FNDC1: variants seen among roughly 807,000 people sequenced by gnomAD.
The protein encoded by FNDC1 is fibronectin type III domain-containing protein 1.
Under a neutral mutation model 168.0 loss-of-function variants are expected in FNDC1, and 96 were observed. The observed-to-expected ratio is 0.57, with a 90% confidence interval of 0.48 to 0.68. FNDC1 has a LOEUF of 0.68. Among genes scored for constraint, FNDC1 ranks in the 30% least tolerant of loss-of-function variants. The pLI is 0.00. For missense variants in FNDC1, 2,587 were observed against 2,482.1 expected (o/e 1.04, Z -0.90); for synonymous variants, 1,099 against 1,025.9 (o/e 1.07, Z -1.36).
chr6:159,192,383 T>C (rs776410257), intron 1 of FNDC1, among the ~76,000 whole-genome samples: 2 of 152,234 alleles, frequency 1.3e-5, no homozygotes, highest in African/African-American at 2.4e-5. Context: ...TGATTTCTTA[T>C]GAATTGTGTC....
In FNDC1 at chr6:159,200,028, G is replaced by C; in HGVS notation, c.337G>C (p.Ala113Pro). Residue 113 changes from alanine (A) to proline (P), a missense_variant, in exon 3 of 23, where the codon GCA (alanine) becomes CCA (proline). Ala to Pro is a conservative substitution (Grantham distance 27). Coordinates refer to ENST00000297267, the MANE Select transcript of FNDC1 (RefSeq NM_032532.3). ...PGVVYFVLLT[A>P]ENHSGVSRPV... ...GGTAGTGTACTTTGTGCTGCTTACT[G>C]CAGAAAACCACAGTGGAGTGAGCCG... 1 of 1,606,598 alleles carries C rather than the reference G, an allele frequency of 6.2e-7. No homozygotes were observed. The highest frequency in any genetic ancestry group is 8.5e-7 in the Non-Finnish European group (1 of 1,176,442).
At chr6:159,214,903 T>A in intron 4 of FNDC1, 42 bp from the exon 5 acceptor site, 1 of 1,585,314 alleles carries the variant, frequency 6.3e-7, no homozygotes, top group Non-Finnish European at 8.6e-7. Flanking sequence ...AAACTCTAAG[T>A]GGTCTACTGT....
chr6:159,267,534 AG>A (rs1161906470), intron 21 of FNDC1, among the ~76,000 whole-genome samples: 2 of 152,192 alleles, frequency 1.3e-5, no homozygotes, highest in African/African-American at 4.8e-5. Context: ...GGAATAGAAA[AG>A]TCTACTCGAA....
chr6:159,226,556 C>T lies in FNDC1; in HGVS notation c.1156C>T (p.Pro386Ser), dbSNP rs201446792. The change falls in exon 9 of 23, where the codon CCA becomes TCA. Residue 386 changes from proline (P) to serine (S), a missense_variant. Transcript: ENST00000297267. ...TGTCGCTGCATCTTGGGATGCGCTA[C>T]CAGAGACTGAGGGGAAAGTGAAAGG... ...TVVAASWDAL[P>S]ETEGKVKEYI... The T allele has an allele frequency of 1.2e-6, 2 of 1,607,436 alleles. No homozygotes were observed. Among genetic ancestry groups the T allele is most frequent in the Admixed American group, 3.4e-5 (2 of 59,312 alleles).
intron 4 of FNDC1, among the ~76,000 whole-genome samples, chr6:159,209,411 T>C (rs1186093622): frequency 6.6e-6 from 1 of 152,016 alleles, no homozygotes; most frequent in East Asian, 1.9e-4. Context: ...GCTTAAAGAG[T>C]TTACTTTGCA....
chr6:159,189,597 G>A (rs780507504), intron 1 of FNDC1, among the ~76,000 whole-genome samples: 3 of 152,270 alleles, frequency 2.0e-5, no homozygotes, highest in East Asian at 3.9e-4. Flanking sequence ...AAACGGCACC[G>A]ATTTCAGTGA....
rs1454331808 is a variant in FNDC1 at position 159,223,389 on chromosome 6, T to C, written c.767-139T>C. On this transcript the variant is annotated intron_variant, in intron 6 of 22. Coordinates refer to ENST00000297267, the MANE Select transcript of FNDC1 (RefSeq NM_032532.3). The stretch of plus-strand genomic sequence containing the variant: ...AATCCAATAATTGTTTACCTTTCTA[T>C]CAATTTCATTTTGTCTACATTACAC... The C allele has an allele frequency of 1.5e-5, 8 of 540,144 alleles. No homozygotes were observed. In the East Asian group the frequency reaches 2.5e-4, roughly 17 times the overall value. The allele number at this position is 540,144 out of a possible 1,614,324, so 33.5% of individuals were successfully genotyped here. A position where few individuals can be genotyped will look rare whatever the true frequency, so the allele number is the denominator to read the frequency against.
chr6:159,264,819 T>G (rs779906909), intron 19 of FNDC1, among the ~76,000 whole-genome samples, 156 bp from the exon 20 acceptor site: 23 of 152,206 alleles, frequency 1.5e-4, no homozygotes, highest in Non-Finnish European at 2.8e-4. Flanking sequence ...AAGGAAATGT[T>G]TAGAAAATAA....
intron 19 of FNDC1, among the ~76,000 whole-genome samples, chr6:159,263,903 C>G (rs997927184): frequency 3.9e-5 from 6 of 152,274 alleles, no homozygotes; most frequent in African/African-American, 1.4e-4. Context: ...TGCAGTGAGC[C>G]GAGATTGTGC....
chr6:159,232,221 G>C lies in FNDC1; in HGVS notation c.1709G>C (p.Ser570Thr). ...QDQKRTLRPP[S>T]RHGHSVVAPG... Reference sequence around the variant, plus strand: ...CAGAAACGGACCCTGAGGCCGCCAAGTAGACACGGCCACTCGGTGGTTGCT... The same window carrying C: ...CAGAAACGGACCCTGAGGCCGCCAACTAGACACGGCCACTCGGTGGTTGCT... Residue 570 changes from serine to threonine, a missense_variant, in exon 11 of 23, where the codon AGT becomes ACT. Coordinates refer to ENST00000297267, the MANE Select transcript of FNDC1 (RefSeq NM_032532.3). This position sits in a 1 kb window ranked among gnomAD's most constrained non-coding sequence, Gnocchi z 4.9. 6.2e-7 allele frequency: 1 copy of C among 1,613,094 alleles called. No individual in the cohort carries two copies. Among genetic ancestry groups the C allele is most frequent in the Non-Finnish European group, 8.5e-7 (1 of 1,179,522 alleles).
At chr6:159,184,592 C>T (rs959122145) in intron 1 of FNDC1, among the ~76,000 whole-genome samples, 12 of 152,186 alleles carry the variant, frequency 7.9e-5, no homozygotes, top group Non-Finnish European at 1.8e-4. Flanking sequence ...TCTCCAGAAC[C>T]TTTGCTTGGC....
At chr6:159,206,760 T>C (rs78741442) in intron 4 of FNDC1, among the ~76,000 whole-genome samples, 2,476 of 152,214 alleles carry the variant, frequency 0.016, 66 homozygotes, top group African/African-American at 0.057. Flanking sequence ...AAAAAAGATG[T>C]GTGCATCTGT....
At position 159,177,877 on chromosome 6, in the gene FNDC1, C is replaced by T. The variant is rs145554462; in HGVS notation, c.109+8172C>T. On this transcript the variant is annotated intron_variant, in intron 1 of 22. Transcript: ENST00000297267. ...GCCAATTCTGGTGTGCCCATTCCCC[C>T]GCAGACATAAAGGTCGGTGGTTTGG... is the stretch of plus-strand genomic sequence containing the variant. Among the ~76,000 whole-genome samples the T allele has an allele frequency of 3.0e-3, 458 of 152,202 alleles. 3 individuals are homozygous for T. The highest frequency in any genetic ancestry group is 0.011 in the African/African-American group (437 of 41,524).
chr6:159,235,747 T>G (rs1438022298), intron 11 of FNDC1, among the ~76,000 whole-genome samples: 1 of 152,218 alleles, frequency 6.6e-6, no homozygotes, highest in Non-Finnish European at 1.5e-5. Flanking sequence ...GACAGCATTG[T>G]GCTTTTATAC....
chr6:159,249,212 A>G, intron 16 of FNDC1, 30 bp downstream of exon 16: 2 of 1,583,454 alleles, frequency 1.3e-6, no homozygotes, highest in Non-Finnish European at 1.7e-6. Flanking sequence ...TCAGAGAAAC[A>G]TGGGTTTTTA....
chr6:159,264,344 C>T (rs79443588), intron 19 of FNDC1, among the ~76,000 whole-genome samples: 9 of 152,322 alleles, frequency 5.9e-5, no homozygotes, highest in African/African-American at 1.9e-4. Flanking sequence ...ACAGTATGAA[C>T]TCCTTTGACT....
intron 22 of FNDC1, among the ~76,000 whole-genome samples, chr6:159,269,503 C>CATCCATCCATCT (rs1583930428): frequency 2.8e-5 from 3 of 108,292 alleles, no homozygotes; most frequent in Admixed American, 9.4e-5. Context: ...TCTATCTATC[C>CATCCATCCATCT]ATCCATCCAT....
chr6:159,262,698 GT>G (rs1213971622), intron 19 of FNDC1, among the ~76,000 whole-genome samples: 1 of 152,192 alleles, frequency 6.6e-6, no homozygotes, highest in East Asian at 1.9e-4. Flanking sequence ...GCAATCTAAA[GT>G]TTTGATAAAA....
chr6:159,228,458 C>A (rs1475781145), intron 9 of FNDC1, among the ~76,000 whole-genome samples: 1 of 152,092 alleles, frequency 6.6e-6, no homozygotes, highest in African/African-American at 2.4e-5. Context: ...CTTTTGACCA[C>A]CACAAATGAC....
Sources: gnomAD v4.1 joint callset for allele counts (sites outside exome capture counted in the v4.1 genomes callset) on GRCh38, gnomAD v4.1.1 for gene constraint, Gnocchi (gnomAD v3.1) non-coding constraint, MANE v1.5 for transcripts, NCBI Gene and HGNC (gene_info 2026-07-23, HGNC 2026-07-21) for gene names.